The following MYCBP2 variants were observed in gnomAD, a reference collection of about 807,000 sequenced individuals.
MYCBP2 encodes the protein MYC binding protein 2, also known as E3 ubiquitin-protein ligase MYCBP2.
MYCBP2 carries 120 observed loss-of-function variants against 525.3 expected under a neutral mutation model. That is an observed-to-expected ratio of 0.23 (90% CI 0.20 to 0.27). The LOEUF (loss-of-function observed/expected upper bound fraction) is 0.27. Among genes scored for constraint, MYCBP2 ranks in the 10% least tolerant of loss-of-function variants. The probability of loss-of-function intolerance (pLI) is 1.00; values close to 1 mark genes in which losing one functional copy is unlikely to be tolerated. For synonymous variants in MYCBP2, 1,894 were observed against 1,955.8 expected (o/e 0.97, Z 0.83); for missense variants, 4,149 against 5,657.1 (o/e 0.73, Z 8.55).
intron 2 of MYCBP2, among the ~76,000 whole-genome samples, chr13:77,294,131 C>CATATATATATATATATATATAT: frequency 2.1e-4 from 14 of 65,710 alleles, no homozygotes; most frequent in East Asian, 3.8e-4. Context: ...TATATATATA[C>CATATATATATATATATATATAT]ATATATATAT....
At chr13:77,087,360 T>A in intron 62 of MYCBP2, 124 bp downstream of exon 62, 1 of 863,466 alleles carries the variant, frequency 1.2e-6, no homozygotes, top group Non-Finnish European at 1.8e-6. Flanking sequence ...CCCATAGCAC[T>A]AAAATATTCT....
chr13:77,167,020 CA>C (rs1566781342), intron 40 of MYCBP2, among the ~76,000 whole-genome samples: 6,904 of 106,474 alleles, frequency 0.065, 242 homozygotes, highest in East Asian at 0.22. Flanking sequence ...CACACACACA[CA>C]CACACCAAAT....
At chr13:77,302,719 A>G (rs934792481) in intron 1 of MYCBP2, among the ~76,000 whole-genome samples, 12 of 152,210 alleles carry the variant, frequency 7.9e-5, no homozygotes, top group Non-Finnish European at 1.3e-4. Context: ...AAAAAGATGT[A>G]TCTCAAGCAC....
At chr13:77,134,487 T>A (rs2053420272) in intron 52 of MYCBP2, among the ~76,000 whole-genome samples, 1 of 151,808 alleles carries the variant, frequency 6.6e-6, no homozygotes, top group African/African-American at 2.4e-5. Context: ...TGAGCCAAGA[T>A]CGTGCCACTG....
rs1331717660 is a variant in MYCBP2 at position 77,194,175 on chromosome 13, A to G, written c.3913T>C (p.Leu1305=). 3 of 1,613,010 alleles carry G rather than the reference A, an allele frequency of 1.9e-6. No homozygotes were observed. Among genetic ancestry groups the G allele is most frequent in the East Asian group, 4.5e-5 (2 of 44,786 alleles). ...DGDLLAETDV[L]AYDCAAREKY... ...TACCTAGCAGCACAGTCATAAGCCAATACATCAGTCTCTGCAAGAAGGTCA... is the reference window on the plus strand; with the variant it reads ...TACCTAGCAGCACAGTCATAAGCCAGTACATCAGTCTCTGCAAGAAGGTCA... The change falls in exon 27 of 83, where the codon TTG becomes CTG. Residue 1305 remains leucine, a synonymous_variant. Transcript: ENST00000544440.
At position 77,158,112 on chromosome 13, in the gene MYCBP2, G is replaced by A; in HGVS notation, c.6598-3C>T. ...ATTCCAGAATGGGTTTTGCACACCT[G>A]TTAAGTAAAAAAGAATATTTATATA... On this transcript the variant is annotated splice_polypyrimidine_tract_variant and splice_region_variant and intron_variant, in intron 44 of 82. Coordinates refer to ENST00000544440, the MANE Select transcript of MYCBP2 (RefSeq NM_015057.5). 1 of 1,539,192 alleles carries A rather than the reference G, an allele frequency of 6.5e-7. No homozygotes were observed. The highest frequency in any genetic ancestry group is 2.3e-5 in the East Asian group (1 of 42,660).
intron 55 of MYCBP2, chr13:77,109,668 T>G (rs1468814023): frequency 6.6e-6 from 1 of 151,988 alleles, no homozygotes; most frequent in East Asian, 1.9e-4. Context: ...ATAACTGAGA[T>G]GCAGTTGGAA....
chr13:77,270,522 T>C lies in MYCBP2; in HGVS notation c.962A>G (p.Asn321Ser), dbSNP rs766803266. 76 of 1,606,676 alleles carry C rather than the reference T, an allele frequency of 4.7e-5. 1 individual carries two copies. Among genetic ancestry groups the C allele is most frequent in the Non-Finnish European group, 6.2e-5 (73 of 1,175,390 alleles). Residue 321 changes from asparagine to serine, a missense_variant, in exon 6 of 83, where the codon AAT (asparagine) becomes AGT (serine). Physicochemically the swap from Asn to Ser is conservative, Grantham distance 46 (BLOSUM62 1). Coordinates refer to ENST00000544440, the MANE Select transcript of MYCBP2 (RefSeq NM_015057.5). ...TGCTTGTACACTTCTCTGTAGCGAATTTAGAATTGTTGGCACCTAATCAAA... is the reference window on the plus strand; with the variant it reads ...TGCTTGTACACTTCTCTGTAGCGAACTTAGAATTGTTGGCACCTAATCAAA... ...CQTIQVPTILNSLQRSVQAVL... is the reference protein window; with the variant it reads ...CQTIQVPTILSSLQRSVQAVL...
chr13:77,119,766 G>C (rs1196431516), intron 55 of MYCBP2, among the ~76,000 whole-genome samples: 1 of 152,072 alleles, frequency 6.6e-6, no homozygotes, highest in South Asian at 2.1e-4. Context: ...CCAGGATGGA[G>C]CGTGTGGCTA....
chr13:77,260,289 A>G, intron 13 of MYCBP2, 139 bp downstream of exon 13: 1 of 624,754 alleles, frequency 1.6e-6, no homozygotes, highest in Non-Finnish European at 2.5e-6. Flanking sequence ...TTCTCTTTCG[A>G]AATATTTCAC....
At chr13:77,206,862 G>A in intron 23 of MYCBP2, 37 bp from the exon 24 acceptor site, 1 of 1,489,478 alleles carries the variant, frequency 6.7e-7, no homozygotes, top group Non-Finnish European at 9.0e-7. Context: ...ACCTCAATGT[G>A]GTTTTGTTTT....
intron 26 of MYCBP2, among the ~76,000 whole-genome samples, 159 bp downstream of exon 26, chr13:77,205,097 T>C (rs1048740661): frequency 6.6e-5 from 10 of 151,994 alleles, no homozygotes; most frequent in Non-Finnish European, 1.3e-4. Flanking sequence ...GTATTCGATT[T>C]TAGCAATGTT....
At chr13:77,235,541 T>C (rs2067794942) in intron 17 of MYCBP2, among the ~76,000 whole-genome samples, 1 of 152,074 alleles carries the variant, frequency 6.6e-6, no homozygotes, top group Non-Finnish European at 1.5e-5. Flanking sequence ...ATTAAAACCT[T>C]TTTATACCAC....
chr13:77,257,935 C>G, intron 13 of MYCBP2, 106 bp from the exon 14 acceptor site: 1 of 874,878 alleles, frequency 1.1e-6, no homozygotes, highest in Non-Finnish European at 1.6e-6. Context: ...CAAAATAACT[C>G]AACAAAATGA....
intron 29 of MYCBP2, 69 bp from the exon 30 acceptor site, chr13:77,189,116 T>C (rs778322197): frequency 6.2e-4 from 678 of 1,095,380 alleles, no homozygotes; most frequent in Non-Finnish European, 5.7e-4. Flanking sequence ...TTAAAGTATA[T>C]TATACATTTT....
intron 61 of MYCBP2, among the ~76,000 whole-genome samples, chr13:77,088,186 A>G (rs187204031): frequency 2.0e-5 from 3 of 152,266 alleles, no homozygotes; most frequent in African/African-American, 7.2e-5. Context: ...AATTTATAAG[A>G]TACAATACCA....
chr13:77,151,762 T>G (rs2056490515), intron 46 of MYCBP2, among the ~76,000 whole-genome samples: 2 of 152,244 alleles, frequency 1.3e-5, no homozygotes. Context: ...CTAACTCTAC[T>G]ATTTCATCTA....
rs1290042982 is a variant in MYCBP2 at position 77,140,089 on chromosome 13, T to C, written c.7476A>G (p.Ile2492Met). 6.2e-6 allele frequency: 10 copies of C among 1,613,300 alleles called. No homozygotes were observed. The highest frequency in any genetic ancestry group is 8.5e-6 in the Non-Finnish European group (10 of 1,179,810). The change falls in exon 51 of 83, where the codon ATA (isoleucine) becomes ATG (methionine). Residue 2492 changes from isoleucine (I) to methionine (M), a missense_variant. This residue lies in a region of MYCBP2 where 692 missense variants were observed against 852.7 expected (regional missense o/e 0.81). Coordinates refer to ENST00000544440, the MANE Select transcript of MYCBP2 (RefSeq NM_015057.5). ...TAGTTCCATTGACTTTCACTATGCCTATCTGCTCACTCTGAAGGGAAGGGT... is the reference window on the plus strand; with the variant it reads ...TAGTTCCATTGACTTTCACTATGCCCATCTGCTCACTCTGAAGGGAAGGGT... ...RSHPSLQSEQ[I>M]GIVKVNGTIT... is the part of the protein sequence containing the mutation.
intron 2 of MYCBP2, among the ~76,000 whole-genome samples, chr13:77,289,199 GA>G (rs1012086831): frequency 6.8e-5 from 10 of 146,318 alleles, no homozygotes; most frequent in South Asian, 6.5e-4. Context: ...TAAAGAATTG[GA>G]AAAAAAAAAT....
Sources: allele counts gnomAD v4.1 joint callset (sites outside exome capture counted in the v4.1 genomes callset), GRCh38; gene constraint gnomAD v4.1.1; regional missense constraint gnomAD v4.1.1; transcripts MANE v1.5; gene names NCBI Gene and HGNC (gene_info 2026-07-23, HGNC 2026-07-21).